The following CCSER1 variants were observed in gnomAD, a reference collection of about 807,000 sequenced individuals.
CCSER1 encodes the protein serine-rich coiled-coil domain-containing protein 1.
A neutral mutation model predicts 82.0 loss-of-function variants in CCSER1; 41 were observed. That is an observed-to-expected ratio of 0.50 (90% CI 0.39 to 0.65). CCSER1 has a LOEUF of 0.65. CCSER1 is among the 30% of genes least tolerant of loss of function. The probability of loss-of-function intolerance (pLI) is 0.00; values close to 1 mark genes in which losing one functional copy is unlikely to be tolerated. For synonymous variants in CCSER1, 414 were observed against 383.9 expected, an observed-to-expected ratio of 1.08 and a Z score of -0.92; for missense variants, 1,119 against 1,064.2, an observed-to-expected ratio of 1.05 and a Z score of -0.72.
intron 9 of CCSER1, among the ~76,000 whole-genome samples, chr4:90,927,914 G>C (rs772885062): frequency 2.6e-5 from 4 of 151,926 alleles, no homozygotes; most frequent in Non-Finnish European, 5.9e-5. Context: ...TCTGCCTGTG[G>C]ATTAAGCCCT....
At chr4:90,671,240 A>T (rs529798091) in intron 6 of CCSER1, among the ~76,000 whole-genome samples, 1 of 152,106 alleles carries the variant, frequency 6.6e-6, no homozygotes, top group East Asian at 1.9e-4. Flanking sequence ...GTGCCACATT[A>T]ATTGACTCTT....
chr4:90,782,681 C>CTTTTTT (rs200701722), intron 7 of CCSER1, among the ~76,000 whole-genome samples: 1,300 of 123,578 alleles, frequency 0.011, 71 homozygotes, highest in East Asian at 0.063. Context: ...TCTTTTCTTT[C>CTTTTTT]TTTCTTTTTT....
At chr4:91,157,960 T>C (rs892733720) in intron 10 of CCSER1, among the ~76,000 whole-genome samples, 1 of 152,022 alleles carries the variant, frequency 6.6e-6, no homozygotes, top group African/African-American at 2.4e-5. Flanking sequence ...GGATTTGTAC[T>C]AAATTACAGA....
chr4:90,211,884 G>T (rs1249080776), intron 1 of CCSER1, among the ~76,000 whole-genome samples: 1 of 152,092 alleles, frequency 6.6e-6, no homozygotes, highest in Non-Finnish European at 1.5e-5. Context: ...AAGTAGAAAA[G>T]AAGAAAATAA....
At chr4:91,058,749 T>A (rs1211895561) in intron 9 of CCSER1, among the ~76,000 whole-genome samples, 1 of 152,116 alleles carries the variant, frequency 6.6e-6, no homozygotes, top group Non-Finnish European at 1.5e-5. Context: ...TGAAAAACTT[T>A]AAAGTTTGAT....
intron 9 of CCSER1, among the ~76,000 whole-genome samples, chr4:91,073,208 A>G (rs1273570515): frequency 1.3e-5 from 2 of 152,108 alleles, no homozygotes; most frequent in East Asian, 1.9e-4. Flanking sequence ...TTGTATTTCA[A>G]TAGATTTTAG....
At chr4:91,216,428 T>A (rs990225090) in intron 10 of CCSER1, among the ~76,000 whole-genome samples, 2 of 152,124 alleles carry the variant, frequency 1.3e-5, no homozygotes, top group Non-Finnish European at 2.9e-5. Context: ...CACGCCATTC[T>A]CCTGCCTCAG....
At chr4:91,539,655 AAT>A (rs1761487835) in intron 10 of CCSER1, among the ~76,000 whole-genome samples, 1 of 152,126 alleles carries the variant, frequency 6.6e-6, no homozygotes, top group Non-Finnish European at 1.5e-5. Context: ...AGAATTAAAT[AAT>A]AGTGTCTGTA....
At chr4:90,592,232 GAA>G (rs896014921) in intron 5 of CCSER1, among the ~76,000 whole-genome samples, 1 of 152,044 alleles carries the variant, frequency 6.6e-6, no homozygotes, top group African/African-American at 2.4e-5. Flanking sequence ...AAAAGAAAAA[GAA>G]AACACTGATT....
Position 90,898,808 on chromosome 4 carries a change from T to C in CCSER1, c.2095-24562T>C, listed in dbSNP as rs562060899. The stretch of plus-strand genomic sequence containing the variant: ...CTATTCTGTTCCACTGCTCTATGTG[T>C]CTGTTTATGTATTGGTACCATACTG... On this transcript the variant is annotated intron_variant, in intron 8 of 10. Coordinates refer to ENST00000509176, the MANE Select transcript of CCSER1 (RefSeq NM_001145065.2). Among the ~76,000 whole-genome samples, 14 of 152,176 alleles carry C rather than the reference T, an allele frequency of 9.2e-5. No individual in the cohort carries two copies. In the East Asian group the frequency reaches 2.7e-3, roughly 29 times the overall value.
intron 5 of CCSER1, among the ~76,000 whole-genome samples, chr4:90,619,173 A>G (rs1414458301): frequency 1.3e-5 from 2 of 151,936 alleles, no homozygotes; most frequent in African/African-American, 4.8e-5. Context: ...CTTCTAGCAA[A>G]TTTTGAAAGC....
At chr4:90,740,944 G>C (rs552299184) in intron 7 of CCSER1, among the ~76,000 whole-genome samples, 2 of 152,170 alleles carry the variant, frequency 1.3e-5, no homozygotes, top group South Asian at 4.1e-4. Context: ...TTGGACTATT[G>C]AATTTAAGGT....
intron 10 of CCSER1, among the ~76,000 whole-genome samples, chr4:91,155,478 C>T (rs1339270342): frequency 6.6e-6 from 1 of 151,780 alleles, no homozygotes; most frequent in African/African-American, 2.4e-5. Context: ...CGGACTAATA[C>T]AAGATATCAA....
At chr4:90,917,100 T>A (rs1163142308) in intron 8 of CCSER1, among the ~76,000 whole-genome samples, 9 of 152,128 alleles carry the variant, frequency 5.9e-5, no homozygotes, top group East Asian at 1.9e-4. Flanking sequence ...TGTGGAAGTC[T>A]GTGTGGCAAT....
chr4:91,100,308 T>C (rs1453575987), intron 10 of CCSER1, among the ~76,000 whole-genome samples: 1 of 152,194 alleles, frequency 6.6e-6, no homozygotes, highest in African/African-American at 2.4e-5. Flanking sequence ...TGAGTTAATA[T>C]GCATAAAGCT....
chr4:90,893,798 G>A (rs985154210), intron 8 of CCSER1, among the ~76,000 whole-genome samples: 4 of 150,240 alleles, frequency 2.7e-5, no homozygotes, highest in African/African-American at 7.3e-5. Context: ...TGTGTGGGGG[G>A]TGAATTTTTA....
At position 91,089,101 on chromosome 4, in the gene CCSER1, G is replaced by A. The variant is rs115034163; in HGVS notation, c.2217+3107G>A. Among the ~76,000 whole-genome samples, 1,425 of 152,164 alleles carry A rather than the reference G, an allele frequency of 9.4e-3. 24 individuals carry two copies. Among genetic ancestry groups the A allele is most frequent in the African/African-American group, 0.032 (1,346 of 41,510 alleles). ...TCAGCAGACTAGCATCCTAAAATCCGAGCTTGTTGAGTGCACAATTTCTGT... is the reference window on the plus strand; with the variant it reads ...TCAGCAGACTAGCATCCTAAAATCCAAGCTTGTTGAGTGCACAATTTCTGT... On this transcript the variant is annotated intron_variant, in intron 10 of 10. Transcript: ENST00000509176.
At chr4:91,583,887 T>C (rs1763857694) in intron 10 of CCSER1, among the ~76,000 whole-genome samples, 1 of 151,350 alleles carries the variant, frequency 6.6e-6, no homozygotes, top group Non-Finnish European at 1.5e-5. Flanking sequence ...GACATATTGT[T>C]GGCCAGATGA....
intron 10 of CCSER1, among the ~76,000 whole-genome samples, chr4:91,180,007 T>G (rs374014993): frequency 1.4e-3 from 210 of 152,292 alleles, no homozygotes; most frequent in African/African-American, 4.9e-3. Flanking sequence ...GTCCTTTCTG[T>G]TTATTAGTTT....
Sources: gnomAD v4.1 joint callset for allele counts (sites outside exome capture counted in the v4.1 genomes callset) on GRCh38, gnomAD v4.1.1 for gene constraint, MANE v1.5 for transcripts, NCBI Gene and HGNC (gene_info 2026-07-23, HGNC 2026-07-21) for gene names.